Variants in EVC observed in about 807,000 individuals in gnomAD.
The protein encoded by EVC is EvC ciliary complex subunit 1, also known as evC complex member EVC.
Under a neutral mutation model 118.9 loss-of-function variants are expected in EVC, and 116 were observed. That is an observed-to-expected ratio of 0.98 (90% confidence interval 0.84 to 1.14). EVC has a LOEUF of 1.14. EVC is among the 50% of genes most tolerant of loss of function. The pLI, the probability that EVC is intolerant of heterozygous loss-of-function variation, is 0.00. For synonymous variants in EVC, 619 were observed against 534.7 expected, an observed-to-expected ratio of 1.16 and a Z score of -2.18; for missense variants, 1,401 against 1,246.4, an observed-to-expected ratio of 1.12 and a Z score of -1.87.
Position 5,711,641 on chromosome 4 carries a change from G to C in EVC, c.174+87G>C, listed in dbSNP as rs953506591. 7 of 1,017,022 alleles carry C rather than the reference G, an allele frequency of 6.9e-6. No individual in the cohort carries two copies. The African/African-American group carries it at 1.2e-4, about 18-fold the overall frequency. The allele number at this position is 1,017,022 out of a possible 1,614,324, so 63.0% of individuals were successfully genotyped here. On this transcript the variant is annotated intron_variant, in intron 1 of 20. Coordinates refer to ENST00000264956, the MANE Select transcript of EVC (RefSeq NM_153717.3). ...TGCGGGCCCGGAGCCCCGGCTCTGC[G>C]ACTCCTTGAGCCTGGTTGGGAACTT...
At chr4:5,741,400 C>A (rs1577393892) in intron 5 of EVC, among the ~76,000 whole-genome samples, 1 of 152,302 alleles carries the variant, frequency 6.6e-6, no homozygotes, top group East Asian at 1.9e-4. Context: ...TTTATATTTT[C>A]TTCACACATG....
intron 5 of EVC, 135 bp downstream of exon 5, chr4:5,733,570 A>G: frequency 1.2e-6 from 1 of 838,952 alleles, no homozygotes; most frequent in Non-Finnish European, 2.0e-6. Context: ...AGGTGGGGGA[A>G]AGCGGCGCTG....
intron 5 of EVC, among the ~76,000 whole-genome samples, chr4:5,739,020 C>T (rs1012453352): frequency 2.0e-5 from 3 of 152,096 alleles, no homozygotes; most frequent in Non-Finnish European, 4.4e-5. Flanking sequence ...TTTATATGCA[C>T]TAGAAAACCA....
chr4:5,757,714 A>G lies in EVC; in HGVS notation c.1563+1352A>G, dbSNP rs115609632. ...CTTTTCTTATAAGGACACCAGTTCT[A>G]TGGGATTAGGGCCCCACCCTGATGA... On this transcript the variant is annotated intron_variant, in intron 11 of 20. Transcript: ENST00000264956. 1.9e-3 allele frequency among the ~76,000 whole-genome samples: 283 copies of G among 152,286 alleles called. 1 individual carries two copies. Among genetic ancestry groups the G allele is most frequent in the African/African-American group, 5.2e-3 (217 of 41,568 alleles).
At chr4:5,770,820 C>T (rs1260112213) in intron 11 of EVC, among the ~76,000 whole-genome samples, 7 of 151,992 alleles carry the variant, frequency 4.6e-5, no homozygotes, top group Admixed American at 1.3e-4. Flanking sequence ...AAGACCAGCC[C>T]GGCCAACATG....
chr4:5,731,786 C>A lies in EVC; in HGVS notation c.617+129C>A. On this transcript the variant is annotated intron_variant, in intron 4 of 20. Coordinates refer to ENST00000264956, the MANE Select transcript of EVC (RefSeq NM_153717.3). The surrounding 1 kb of genome is among the most constrained non-coding windows in gnomAD (Gnocchi z 5.6). ...TGACTCTGCCAGGGACACACAGCGA[C>A]CCAGCGTCACCATCGGAGCCCCAGA... 1 of 911,046 alleles carries A rather than the reference C, an allele frequency of 1.1e-6. No individual in the cohort carries two copies. Among genetic ancestry groups the A allele is most frequent in the Non-Finnish European group, 1.7e-6 (1 of 571,654 alleles). 56.4% of individuals were successfully genotyped at this position (911,046 alleles called of 1,614,324 possible).
At chr4:5,767,608 C>T (rs541695520) in intron 11 of EVC, among the ~76,000 whole-genome samples, 23 of 151,676 alleles carry the variant, frequency 1.5e-4, no homozygotes, top group Non-Finnish European at 2.5e-4. Flanking sequence ...CCTGGTGAGC[C>T]GTTTTTTAAG....
Position 5,764,636 on chromosome 4 carries a change from T to C in EVC, c.1563+8274T>C, listed in dbSNP as rs1427234193. On this transcript the variant is annotated intron_variant, in intron 11 of 20. Coordinates refer to ENST00000264956, the MANE Select transcript of EVC (RefSeq NM_153717.3). ...TCTTCCTGGTTTAGTCTTGGGAGAGTGTATGTGTTGAGGAATTTATCCATT... is the reference window on the plus strand; with the variant it reads ...TCTTCCTGGTTTAGTCTTGGGAGAGCGTATGTGTTGAGGAATTTATCCATT... 5.5e-5 allele frequency among the ~76,000 whole-genome samples: 8 copies of C among 146,028 alleles called. 1 individual carries two copies. The highest frequency in any genetic ancestry group is 1.5e-4 in the African/African-American group (6 of 39,966).
chr4:5,766,686 T>G (rs1490739416), intron 11 of EVC, among the ~76,000 whole-genome samples: 21 of 139,228 alleles, frequency 1.5e-4, no homozygotes, highest in Non-Finnish European at 2.5e-4. Flanking sequence ...TTTCTTCCAG[T>G]TGATCGCATC....
chr4:5,741,932 T>C, intron 6 of EVC, 118 bp downstream of exon 6: 1 of 571,804 alleles, frequency 1.7e-6, no homozygotes. Flanking sequence ...AATATATACT[T>C]TTCAACACAG....
intron 16 of EVC, 118 bp from the exon 17 acceptor site, chr4:5,804,612 G>T: frequency 2.5e-6 from 2 of 807,282 alleles, no homozygotes; most frequent in Non-Finnish European, 4.3e-6. Flanking sequence ...CTGGTGGAAG[G>T]ATACACTCTT....
Position 5,756,203 on chromosome 4 carries a change from TG to T in EVC, c.1465-59del. The T allele has an allele frequency of 2.4e-6, 3 of 1,246,212 alleles. No individual in the cohort carries two copies. The highest frequency in any genetic ancestry group is 1.3e-5 in the South Asian group (1 of 77,836). 77.2% of individuals were successfully genotyped at this position (1,246,212 alleles called of 1,614,324 possible). A position where few individuals can be genotyped will look rare whatever the true frequency, so the allele number is the denominator to read the frequency against. On this transcript the variant is annotated intron_variant, in intron 10 of 20. Transcript: ENST00000264956. The surrounding 1 kb of genome is among the most constrained non-coding windows in gnomAD (Gnocchi z 4.2). ...TGCAGGGGATGGTTGGAGAACCTTC[TG>T]GAAAAAAAAAAAAAAACCCTGCATG...
At chr4:5,820,737 T>C in the EVC span, 2 of 152,164 alleles carry the variant, frequency 1.3e-5, no homozygotes, top group Admixed American at 6.6e-5. Context: ...CAAGCATTCG[T>C]ACCCAATCCA....
intron 11 of EVC, among the ~76,000 whole-genome samples, chr4:5,758,962 G>A (rs771449578): frequency 3.3e-5 from 5 of 152,194 alleles, no homozygotes; most frequent in Non-Finnish European, 4.4e-5. Flanking sequence ...ATGATTCAGA[G>A]CAGATGAGAC....
Position 5,811,032 on chromosome 4 carries a change from T to G in EVC, c.2974T>G (p.Leu992Val), listed in dbSNP as rs1716843417. 1 of 1,610,770 alleles carries G rather than the reference T, an allele frequency of 6.2e-7. No homozygotes were observed. ...SKKMLKRRSN[L>V] ...GAAGATGCTAAAGAGAAGAAGCAAC[T>G]TGTAGTTTAAGACCAGTCGGTGGGA... Residue 992 changes from leucine (L) to valine (V), a missense_variant, in exon 21 of 21, where the codon TTG (leucine) becomes GTG (valine). Coordinates refer to ENST00000264956, the MANE Select transcript of EVC (RefSeq NM_153717.3).
At chr4:5,778,762 TG>T in intron 11 of EVC, among the ~76,000 whole-genome samples, 1 of 152,326 alleles carries the variant, frequency 6.6e-6, no homozygotes, top group East Asian at 1.9e-4. Context: ...ATGAGTAGGT[TG>T]GGAAAATGTT....
In EVC at chr4:5,731,022, G is replaced by A. The variant is rs763738342; in HGVS notation, c.385-403G>A. Among the ~76,000 whole-genome samples the A allele has an allele frequency of 9.2e-5, 14 of 152,194 alleles. No homozygotes were observed. Among genetic ancestry groups the A allele is most frequent in the South Asian group, 4.2e-4 (2 of 4,810 alleles). On this transcript the variant is annotated intron_variant, in intron 3 of 20. Transcript: ENST00000264956. This position sits in a 1 kb window ranked among gnomAD's most constrained non-coding sequence, Gnocchi z 5.6. ...GCTCTGTGCAGGCGAAGGACAGGTG[G>A]TTGGCAGGATTCGTGGAGGGAGCAG...
At chr4:5,799,135 T>C (rs1253808393) in intron 15 of EVC, among the ~76,000 whole-genome samples, 1 of 151,870 alleles carries the variant, frequency 6.6e-6, no homozygotes, top group Non-Finnish European at 1.5e-5. Context: ...GGAACCCAAA[T>C]CCCTCTCTCA....
Position 5,798,434 on chromosome 4 carries a change from T to C in EVC, c.2098-152T>C. 1.3e-6 allele frequency: 1 copy of C among 783,474 alleles called. No individual in the cohort carries two copies. The highest frequency in any genetic ancestry group is 2.2e-6 in the Non-Finnish European group (1 of 458,322). 48.5% of individuals were successfully genotyped at this position (783,474 alleles called of 1,614,324 possible). On this transcript the variant is annotated intron_variant, in intron 14 of 20. Transcript: ENST00000264956. This position sits in a 1 kb window ranked among gnomAD's most constrained non-coding sequence, Gnocchi z 4.1. ...GACACCTAACCTCATCCATTGATTT[T>C]TGCAAGCCCAGAGGCCACCTCTTTC...
Sources: gnomAD v4.1 joint callset for allele counts (sites outside exome capture counted in the v4.1 genomes callset) on GRCh38, gnomAD v4.1.1 for gene constraint, Gnocchi (gnomAD v3.1) non-coding constraint, MANE v1.5 for transcripts, NCBI Gene and HGNC (gene_info 2026-07-23, HGNC 2026-07-21) for gene names.